CADM2: variants seen among roughly 807,000 people sequenced by gnomAD.
CADM2 encodes the protein cell adhesion molecule 2.
CADM2 carries 12 observed loss-of-function variants against 49.8 expected under a neutral mutation model. The ratio of observed to expected loss-of-function variants is 0.24; its 90% CI spans 0.15 to 0.39. CADM2 has a LOEUF of 0.39. Ranked by LOEUF, CADM2 falls within the 10% of genes least tolerant of loss-of-function variation. The probability of loss-of-function intolerance (pLI) is 1.00; values close to 1 mark genes in which losing one functional copy is unlikely to be tolerated. For missense variants in CADM2, 378 were observed against 492.3 expected (o/e 0.77, Z 2.20); for synonymous variants, 214 against 175.4 (o/e 1.22, Z -1.74).
chr3:86,060,184 G>T (rs1395402739), intron 8 of CADM2, among the ~76,000 whole-genome samples: 1 of 150,774 alleles, frequency 6.6e-6, no homozygotes, highest in Non-Finnish European at 1.5e-5. Flanking sequence ...AATTTAAATT[G>T]ATCTACAACA....
intron 1 of CADM2, among the ~76,000 whole-genome samples, chr3:85,020,481 C>A (rs2034449521): frequency 6.6e-6 from 1 of 152,026 alleles, no homozygotes; most frequent in Non-Finnish European, 1.5e-5. Context: ...TGAATAAATT[C>A]ATAGCTATAA....
intron 1 of CADM2, among the ~76,000 whole-genome samples, chr3:85,495,569 T>A (rs572296676): frequency 1.3e-5 from 2 of 152,094 alleles, no homozygotes; most frequent in Admixed American, 6.5e-5. Flanking sequence ...TGTTTGTTCT[T>A]TATTATTTTG....
At position 85,700,918 on chromosome 3, in the gene CADM2, G is replaced by A. The variant is rs566951657; in HGVS notation, c.62-25604G>A. 4.6e-4 allele frequency among the ~76,000 whole-genome samples: 70 copies of A among 152,136 alleles called. 1 individual carries two copies. Among genetic ancestry groups the A allele is most frequent in the African/African-American group, 1.6e-3 (68 of 41,504 alleles). On this transcript the variant is annotated intron_variant, in intron 1 of 9. Transcript: ENST00000383699. ...CCCACTTCCAAAGTTCACAATTTCG[G>A]ATATCTTTAGAGCAATTACCCACTT... is the stretch of plus-strand genomic sequence containing the variant.
At chr3:85,268,248 T>C (rs72919204) in intron 1 of CADM2, among the ~76,000 whole-genome samples, 9,953 of 151,344 alleles carry the variant, frequency 0.066, 1,070 homozygotes, top group African/African-American at 0.23. Context: ...CTTATGGCAA[T>C]TTAGAGAAAC....
intron 3 of CADM2, among the ~76,000 whole-genome samples, chr3:85,859,139 C>T (rs1196265666): frequency 6.6e-6 from 1 of 151,876 alleles, no homozygotes; most frequent in African/African-American, 2.4e-5. Context: ...CACACACTAA[C>T]CCTATTGTCA....
chr3:85,152,200 A>T (rs2039944703), intron 1 of CADM2, among the ~76,000 whole-genome samples: 1 of 152,132 alleles, frequency 6.6e-6, no homozygotes, highest in Non-Finnish European at 1.5e-5. Context: ...ATATAATTTA[A>T]TACTACTCTA....
At chr3:85,158,191 A>C (rs2040201176) in intron 1 of CADM2, among the ~76,000 whole-genome samples, 1 of 152,312 alleles carries the variant, frequency 6.6e-6, no homozygotes, top group East Asian at 1.9e-4. Flanking sequence ...TCAGGAAACA[A>C]CAGGTGCTGG....
At chr3:85,992,369 AAATATT>A (rs1381864351) in intron 8 of CADM2, 1 of 152,120 alleles carries the variant, frequency 6.6e-6, no homozygotes, top group East Asian at 1.9e-4. Flanking sequence ...CTGAATATGA[AAATATT>A]AATATATGGA....
At chr3:85,384,039 T>C (rs2034063823) in intron 1 of CADM2, among the ~76,000 whole-genome samples, 1 of 152,176 alleles carries the variant, frequency 6.6e-6, no homozygotes, top group Non-Finnish European at 1.5e-5. Context: ...TTTGCAAATA[T>C]TCAAATTTGC....
rs768412841 is a variant in CADM2 at position 85,473,049 on chromosome 3, C to A, written c.62-253473C>A. ...GAATATGATATATTGTTCTTATATG[C>A]AAAACAGAATGTAAGCAATAAACAG... On this transcript the variant is annotated intron_variant, in intron 1 of 9. Transcript: ENST00000383699. Among the ~76,000 whole-genome samples, 13 of 152,020 alleles carry A rather than the reference C, an allele frequency of 8.6e-5. 1 individual carries two copies. The highest frequency in any genetic ancestry group is 8.5e-4 in the Admixed American group (13 of 15,240).
chr3:85,647,994 TTTTC>T (rs2064937860), intron 1 of CADM2, among the ~76,000 whole-genome samples: 1 of 151,924 alleles, frequency 6.6e-6, no homozygotes, highest in Admixed American at 6.6e-5. Flanking sequence ...TTTTTATTAA[TTTTC>T]TTTCTTTCTT....
intron 1 of CADM2, among the ~76,000 whole-genome samples, chr3:85,601,173 TACAC>T (rs374397941): frequency 1.1e-4 from 11 of 99,454 alleles, no homozygotes; most frequent in African/African-American, 4.4e-4. Context: ...TATATATATA[TACAC>T]ACACACACAC....
At chr3:85,067,229 T>C (rs2036558423) in intron 1 of CADM2, among the ~76,000 whole-genome samples, 1 of 152,068 alleles carries the variant, frequency 6.6e-6, no homozygotes, top group African/African-American at 2.4e-5. Flanking sequence ...GTACAACTAA[T>C]ATTATTGGTG....
intron 7 of CADM2, among the ~76,000 whole-genome samples, chr3:85,952,988 A>AT (rs33913655): frequency 0.02 from 2,892 of 148,290 alleles, 94 homozygotes; most frequent in African/African-American, 0.067. Flanking sequence ...TTCTTACTTT[A>AT]TTTTTTTTTT....
At chr3:85,294,311 C>T (rs911628493) in intron 1 of CADM2, among the ~76,000 whole-genome samples, 7 of 152,134 alleles carry the variant, frequency 4.6e-5, no homozygotes, top group African/African-American at 1.7e-4. Flanking sequence ...AATGGACGAA[C>T]ATTCTATGCT....
chr3:85,449,824 C>A (rs1386752443), intron 1 of CADM2, among the ~76,000 whole-genome samples: 2 of 152,074 alleles, frequency 1.3e-5, no homozygotes, highest in Admixed American at 1.3e-4. Context: ...TGAATAAAAG[C>A]CGATGCCCAT....
At chr3:85,481,229 GATATAT>G (rs3086137) in intron 1 of CADM2, among the ~76,000 whole-genome samples, 2 of 144,950 alleles carry the variant, frequency 1.4e-5, no homozygotes, top group African/African-American at 2.5e-5. Context: ...ATATATATTG[GATATAT>G]ATATATATAT....
intron 1 of CADM2, among the ~76,000 whole-genome samples, chr3:85,531,117 G>C (rs940203785): frequency 1.4e-4 from 22 of 152,276 alleles, no homozygotes; most frequent in African/African-American, 5.1e-4. Context: ...CCGATTCACT[G>C]AATATCCTTC....
chr3:85,658,574 G>GTA (rs1553656698), intron 1 of CADM2, among the ~76,000 whole-genome samples: 54 of 55,462 alleles, frequency 9.7e-4, no homozygotes, highest in Admixed American at 3.1e-3. Context: ...TTGGATATAT[G>GTA]TGTATATATA....
Sources: allele counts gnomAD v4.1 joint callset (sites outside exome capture counted in the v4.1 genomes callset), GRCh38; gene constraint gnomAD v4.1.1; transcripts MANE v1.5; gene names NCBI Gene and HGNC (gene_info 2026-07-23, HGNC 2026-07-21).